ADGRL3: variants seen among roughly 807,000 people sequenced by gnomAD.
ADGRL3 encodes adhesion G protein-coupled receptor L3.
ADGRL3 carries 62 observed loss-of-function variants against 153.5 expected under a neutral mutation model. The observed-to-expected ratio is 0.40, with a 90% CI of 0.33 to 0.50. The LOEUF is 0.50. Among genes scored for constraint, ADGRL3 ranks in the 20% least tolerant of loss-of-function variants. The probability of loss-of-function intolerance (pLI) is 0.47; values close to 1 mark genes in which losing one functional copy is unlikely to be tolerated. For missense variants in ADGRL3, 1,641 were observed against 1,859.4 expected, an observed-to-expected ratio of 0.88 and a Z score of 2.16; for synonymous variants, 710 against 672.5, an observed-to-expected ratio of 1.06 and a Z score of -0.86.
At chr4:61,301,662 C>G (rs753820884) in intron 1 of ADGRL3, among the ~76,000 whole-genome samples, 1 of 152,194 alleles carries the variant, frequency 6.6e-6, no homozygotes, top group Non-Finnish European at 1.5e-5. Context: ...CAACAGATAT[C>G]TCTTTTTGAT....
At chr4:61,483,724 C>A (rs923883346) in intron 2 of ADGRL3, among the ~76,000 whole-genome samples, 2 of 151,498 alleles carry the variant, frequency 1.3e-5, no homozygotes, top group Admixed American at 1.3e-4. Context: ...GCAACAAGAG[C>A]AAAATTCTGT....
At chr4:61,849,006 A>C (rs2098169773) in intron 9 of ADGRL3, among the ~76,000 whole-genome samples, 1 of 152,180 alleles carries the variant, frequency 6.6e-6, no homozygotes, top group Admixed American at 6.5e-5. Context: ...TAACTGAATC[A>C]ACTCCCATAA....
chr4:62,062,953 C>T (rs1345002874), intron 25 of ADGRL3, among the ~76,000 whole-genome samples: 2 of 151,936 alleles, frequency 1.3e-5, no homozygotes, highest in East Asian at 3.9e-4. Flanking sequence ...TAAATGATTC[C>T]TCTTCATAGA....
At chr4:61,600,636 A>G (rs1429406265) in intron 5 of ADGRL3, among the ~76,000 whole-genome samples, 1 of 152,236 alleles carries the variant, frequency 6.6e-6, no homozygotes. Flanking sequence ...GGATAGCACC[A>G]GAGTGCCAAA....
At chr4:61,425,973 G>T (rs566462610) in intron 2 of ADGRL3, among the ~76,000 whole-genome samples, 3 of 152,304 alleles carry the variant, frequency 2.0e-5, no homozygotes, top group African/African-American at 7.2e-5. Flanking sequence ...GGTCATCCTT[G>T]GTGTCTGTAT....
intron 2 of ADGRL3, among the ~76,000 whole-genome samples, chr4:61,490,842 C>T (rs1315089469): frequency 2.0e-5 from 3 of 152,060 alleles, no homozygotes; most frequent in African/African-American, 7.2e-5. Flanking sequence ...AGTGTATTCA[C>T]ATGCACTCTG....
intron 4 of ADGRL3, among the ~76,000 whole-genome samples, chr4:61,522,584 T>C (rs762321264): frequency 1.4e-4 from 22 of 152,086 alleles, no homozygotes; most frequent in Non-Finnish European, 2.6e-4. Context: ...ACCTCATTTG[T>C]TGGTTTGCTT....
At chr4:61,479,680 G>A (rs145975026) in intron 2 of ADGRL3, among the ~76,000 whole-genome samples, 5 of 152,162 alleles carry the variant, frequency 3.3e-5, no homozygotes, top group African/African-American at 1.2e-4. Context: ...AGGAGTAAAA[G>A]AATGGTGTAA....
intron 5 of ADGRL3, among the ~76,000 whole-genome samples, chr4:61,656,091 C>A (rs986036265): frequency 2.0e-5 from 3 of 152,120 alleles, no homozygotes; most frequent in Admixed American, 1.3e-4. Context: ...GCATTAGATG[C>A]TTACTTTGTT....
At chr4:62,018,189 A>G (rs1164287458) in intron 21 of ADGRL3, among the ~76,000 whole-genome samples, 1 of 152,100 alleles carries the variant, frequency 6.6e-6, no homozygotes, top group Non-Finnish European at 1.5e-5. Flanking sequence ...AGACATCCCA[A>G]AGGCCAGCAG....
chr4:61,404,686 ATG>A (rs1484536022), intron 2 of ADGRL3, among the ~76,000 whole-genome samples: 1 of 152,112 alleles, frequency 6.6e-6, no homozygotes, highest in Non-Finnish European at 1.5e-5. Context: ...TTTATGCTAT[ATG>A]TAAGTCATTT....
At chr4:61,344,371 T>A (rs1027390918) in intron 1 of ADGRL3, among the ~76,000 whole-genome samples, 1 of 152,146 alleles carries the variant, frequency 6.6e-6, no homozygotes, top group African/African-American at 2.4e-5. Flanking sequence ...TGCACGCAAG[T>A]ACAGGATTGT....
chr4:61,365,808 G>C (rs2096384783), intron 1 of ADGRL3, among the ~76,000 whole-genome samples: 1 of 151,734 alleles, frequency 6.6e-6, no homozygotes, highest in South Asian at 2.1e-4. Flanking sequence ...TCAAATAACA[G>C]AAAAAAATGA....
At chr4:61,789,541 T>A (rs1023828113) in intron 8 of ADGRL3, among the ~76,000 whole-genome samples, 1 of 152,188 alleles carries the variant, frequency 6.6e-6, no homozygotes, top group African/African-American at 2.4e-5. Context: ...ACAATAAAGT[T>A]CCATTTGCTT....
chr4:61,437,699 A>G (rs138984824), intron 2 of ADGRL3, among the ~76,000 whole-genome samples: 11 of 152,296 alleles, frequency 7.2e-5, no homozygotes, highest in Admixed American at 3.3e-4. Context: ...TACTTGATGT[A>G]TACAGATCAA....
intron 9 of ADGRL3, among the ~76,000 whole-genome samples, chr4:61,863,785 C>A (rs1581199196): frequency 6.6e-6 from 1 of 152,150 alleles, no homozygotes; most frequent in African/African-American, 2.4e-5. Context: ...AGCATGAGGG[C>A]AGTTTGAAGA....
rs559515290 is a variant in ADGRL3 at position 62,022,997 on chromosome 4, T to G, written c.3396-5858T>G. Among the ~76,000 whole-genome samples the G allele has an allele frequency of 3.3e-4, 49 of 149,908 alleles. No individual in the cohort carries two copies. In the South Asian group the frequency reaches 7.7e-3, roughly 24 times the overall value. ...AAGTTTTTTAAGGCTATAGTTGCCA[T>G]AGATAGTGGTTCCTCTGATGGATCT... is the stretch of plus-strand genomic sequence containing the variant. On this transcript the variant is annotated intron_variant, in intron 21 of 26. Coordinates refer to ENST00000683033, the MANE Select transcript of ADGRL3 (RefSeq NM_001387552.1).
intron 5 of ADGRL3, among the ~76,000 whole-genome samples, chr4:61,609,361 T>C (rs1279447171): frequency 6.6e-6 from 1 of 152,136 alleles, no homozygotes; most frequent in African/African-American, 2.4e-5. Flanking sequence ...ATATGCTGTA[T>C]GTACTATTTT....
chr4:61,726,117 A>T lies in ADGRL3; in HGVS notation c.584-4505A>T, dbSNP rs184709685. Among the ~76,000 whole-genome samples, 28 of 151,492 alleles carry T rather than the reference A, an allele frequency of 1.8e-4. No individual in the cohort carries two copies. In the East Asian group the frequency reaches 5.2e-3, roughly 28 times the overall value. On this transcript the variant is annotated intron_variant, in intron 6 of 26. Transcript: ENST00000683033. ...ATATTTGGGATTTTGAAATATATTC[A>T]TTGTTCTGGAGAACCTAAATGCTCC...
Sources: gnomAD v4.1 joint callset for allele counts (sites outside exome capture counted in the v4.1 genomes callset) on GRCh38, gnomAD v4.1.1 for gene constraint, MANE v1.5 for transcripts, NCBI Gene and HGNC (gene_info 2026-07-23, HGNC 2026-07-21) for gene names.